The following NLGN1 variants were observed in gnomAD, a reference collection of about 807,000 sequenced individuals.
The protein encoded by NLGN1 is neuroligin-1.
A neutral mutation model predicts 65.5 loss-of-function variants in NLGN1; 12 were observed. The observed-to-expected ratio is 0.18, with a 90% CI of 0.12 to 0.30. The LOEUF is 0.30. NLGN1 is among the 10% of genes least tolerant of loss of function. NLGN1 has a pLI of 1.00. For synonymous variants in NLGN1, 350 were observed against 359.5 expected (o/e 0.97, Z 0.30); for missense variants, 750 against 1,007.1 (o/e 0.74, Z 3.46).
At chr3:173,710,750 A>C (rs911279503) in intron 3 of NLGN1, among the ~76,000 whole-genome samples, 15 of 152,196 alleles carry the variant, frequency 9.9e-5, no homozygotes, top group Admixed American at 2.0e-4. Flanking sequence ...TTTGGAGGCA[A>C]TGCATACTTT....
At chr3:174,177,790 C>A (rs1444626783) in intron 4 of NLGN1, among the ~76,000 whole-genome samples, 2 of 151,996 alleles carry the variant, frequency 1.3e-5, no homozygotes, top group Non-Finnish European at 2.9e-5. Context: ...GTGGTCTTGA[C>A]AATAGACATA....
At chr3:173,988,388 A>C (rs1258230404) in intron 4 of NLGN1, among the ~76,000 whole-genome samples, 2 of 152,170 alleles carry the variant, frequency 1.3e-5, no homozygotes, top group Non-Finnish European at 2.9e-5. Context: ...TGAAGGTACA[A>C]AGTTTTTCAT....
chr3:173,559,248 C>G (rs189167419), intron 2 of NLGN1, among the ~76,000 whole-genome samples: 19 of 152,120 alleles, frequency 1.2e-4, no homozygotes, highest in African/African-American at 4.6e-4. Flanking sequence ...ATTCAATAGG[C>G]GAGAATTGAT....
intron 4 of NLGN1, among the ~76,000 whole-genome samples, chr3:173,899,609 G>T (rs1056965592): frequency 1.3e-5 from 2 of 152,022 alleles, no homozygotes; most frequent in African/African-American, 4.8e-5. Context: ...TAGTATTTTT[G>T]TCATGTGAAA....
At chr3:174,129,596 T>C (rs1719744290) in intron 4 of NLGN1, among the ~76,000 whole-genome samples, 1 of 152,188 alleles carries the variant, frequency 6.6e-6, no homozygotes. Flanking sequence ...CGTTGACTTT[T>C]TCAAAATTGT....
intron 3 of NLGN1, among the ~76,000 whole-genome samples, chr3:173,635,849 A>G (rs916532476): frequency 5.9e-5 from 9 of 152,118 alleles, no homozygotes; most frequent in African/African-American, 2.2e-4. Context: ...AGTGAGTTTT[A>G]TGTTCAGTAA....
intron 4 of NLGN1, among the ~76,000 whole-genome samples, chr3:174,165,636 C>T (rs1012873862): frequency 5.3e-5 from 8 of 152,080 alleles, no homozygotes; most frequent in African/African-American, 1.7e-4. Context: ...CTATGCCTAT[C>T]GGGGATATTG....
chr3:173,804,276 G>T (rs1362401150), intron 3 of NLGN1, among the ~76,000 whole-genome samples: 1 of 152,040 alleles, frequency 6.6e-6, no homozygotes, highest in Admixed American at 6.6e-5. Context: ...ACTTTTACTG[G>T]AACTGAGTTA....
intron 4 of NLGN1, among the ~76,000 whole-genome samples, chr3:173,887,244 T>G (rs1476448636): frequency 1.3e-5 from 2 of 152,038 alleles, no homozygotes; most frequent in Non-Finnish European, 2.9e-5. Flanking sequence ...GTAAAAATGC[T>G]TTCATTTGGG....
chr3:173,404,716 G>A (rs1409725049), intron 1 of NLGN1, among the ~76,000 whole-genome samples: 1 of 152,042 alleles, frequency 6.6e-6, no homozygotes, highest in Non-Finnish European at 1.5e-5. Context: ...ATGATTAGAA[G>A]GTTTATTTCA....
intron 4 of NLGN1, among the ~76,000 whole-genome samples, chr3:174,089,068 A>G (rs1266823905): frequency 2.0e-5 from 3 of 152,146 alleles, no homozygotes; most frequent in Non-Finnish European, 4.4e-5. Flanking sequence ...AACACACACA[A>G]TGGCTTCTAT....
chr3:173,989,206 G>A (rs1263423824), intron 4 of NLGN1, among the ~76,000 whole-genome samples: 2 of 152,136 alleles, frequency 1.3e-5, no homozygotes, highest in African/African-American at 4.8e-5. Flanking sequence ...GCATCAGCAT[G>A]ACTTACACAT....
exon 7 of NLGN1, chr3:174,281,637 A>AAAT (rs970576949): frequency 5.2e-5 from 11 of 211,806 alleles, no homozygotes; most frequent in African/African-American, 2.5e-4. Flanking sequence ...TAAAAAATAA[A>AAAT]AATAAAAAAA....
At chr3:173,859,253 A>G (rs967173830) in intron 4 of NLGN1, among the ~76,000 whole-genome samples, 2 of 152,152 alleles carry the variant, frequency 1.3e-5, no homozygotes, top group Non-Finnish European at 2.9e-5. Flanking sequence ...ATAACTAACT[A>G]TGAAAACTAT....
chr3:173,571,369 G>A (rs887220880), intron 2 of NLGN1, among the ~76,000 whole-genome samples: 9 of 152,060 alleles, frequency 5.9e-5, no homozygotes, highest in African/African-American at 2.2e-4. Context: ...TATTACCTAC[G>A]CTGAAAGCTG....
At chr3:173,570,994 GC>G (rs1159890522) in intron 2 of NLGN1, among the ~76,000 whole-genome samples, 4 of 152,122 alleles carry the variant, frequency 2.6e-5, no homozygotes, top group Non-Finnish European at 5.9e-5. Flanking sequence ...GAGCCACCAT[GC>G]CCAGCCTATT....
chr3:173,893,742 TC>T (rs1193787229), intron 4 of NLGN1, among the ~76,000 whole-genome samples: 1 of 152,194 alleles, frequency 6.6e-6, no homozygotes, highest in Non-Finnish European at 1.5e-5. Context: ...TTAACTCACC[TC>T]CCTTTGTCCT....
chr3:174,074,503 A>G (rs891894194), intron 4 of NLGN1, among the ~76,000 whole-genome samples: 4 of 152,146 alleles, frequency 2.6e-5, no homozygotes, highest in African/African-American at 9.6e-5. Flanking sequence ...GTGATTACTT[A>G]TTTTCTTGTT....
chr3:173,612,128 A>G (rs1279325455), intron 3 of NLGN1, among the ~76,000 whole-genome samples: 3 of 151,984 alleles, frequency 2.0e-5, no homozygotes, highest in Non-Finnish European at 2.9e-5. Context: ...ATGCTAACGT[A>G]GTTTAGGACA....
Sources: allele counts gnomAD v4.1 joint callset (sites outside exome capture counted in the v4.1 genomes callset), GRCh38; gene constraint gnomAD v4.1.1; transcripts MANE v1.5; gene names NCBI Gene and HGNC (gene_info 2026-07-23, HGNC 2026-07-21).